The following FRMD7 variants were observed in gnomAD, a reference collection of about 807,000 sequenced individuals.
FRMD7 encodes FERM domain-containing protein 7.
Under a neutral mutation model 44.1 loss-of-function variants are expected in FRMD7, and 14 were observed. The ratio of observed to expected loss-of-function variants is 0.32; its 90% CI spans 0.21 to 0.50. The LOEUF is 0.50. FRMD7 is among the 20% of genes least tolerant of loss of function. The pLI, the probability that FRMD7 is intolerant of heterozygous loss-of-function variation, is 0.99. For missense variants in FRMD7, 501 were observed against 522.3 expected (o/e 0.96, Z 0.40); for synonymous variants, 212 against 187.4 (o/e 1.13, Z -1.07).
chrX:132,108,967 A>G lies in FRMD7; in HGVS notation c.58-8251T>C, dbSNP rs1602829139. On this transcript the variant is annotated intron_variant, in intron 1 of 11. Transcript: ENST00000298542. Reference sequence around the variant, plus strand: ...ATTAAAGCTCTTTAAACAAATGTAAATTGCCCAGCCTCGGGTATTTCTTCA... The same window carrying G: ...ATTAAAGCTCTTTAAACAAATGTAAGTTGCCCAGCCTCGGGTATTTCTTCA... Among the ~76,000 whole-genome samples the G allele has an allele frequency of 2.7e-5, 3 of 111,609 alleles. No individual in the cohort carries two copies. The South Asian group carries it at 1.1e-3, about 42-fold the overall frequency.
intron 1 of FRMD7, among the ~76,000 whole-genome samples, chrX:132,112,033 G>A (rs898784693): frequency 1.8e-5 from 2 of 112,154 alleles, no homozygotes; most frequent in Non-Finnish European, 3.8e-5. Flanking sequence ...CGGTAAAAAT[G>A]CAAATGTTCT....
intron 1 of FRMD7, among the ~76,000 whole-genome samples, chrX:132,125,387 T>G (rs183670882): frequency 3.4e-4 from 38 of 111,890 alleles, no homozygotes; most frequent in Middle Eastern, 9.2e-3. Context: ...ATGCAACCAA[T>G]TATTTTCTTG....
Position 132,100,663 on chromosome X carries a change from A to C in FRMD7, c.111T>G (p.Leu37=). 8.3e-7 allele frequency: 1 copy of C among 1,209,162 alleles called. No individual in the cohort carries two copies. The highest frequency in any genetic ancestry group is 1.1e-6 in the Non-Finnish European group (1 of 893,006). ...LFNLSCSHLN[L]AEKEYFGLEF... ...CTAATCCAAAATATTCCTTTTCAGC[A>C]AGATTTAGATGGCTGCAACTCAGGT... The change falls in exon 2 of 12, where the codon CTT becomes CTG. Residue 37 remains leucine (L), a synonymous_variant. Coordinates refer to ENST00000298542, the MANE Select transcript of FRMD7 (RefSeq NM_194277.3).
intron 1 of FRMD7, among the ~76,000 whole-genome samples, chrX:132,104,515 A>G (rs1236782729): frequency 2.7e-5 from 3 of 110,948 alleles, no homozygotes; most frequent in Admixed American, 1.9e-4. Flanking sequence ...ACACAGTGAA[A>G]CCCCATCTCT....
intron 1 of FRMD7, among the ~76,000 whole-genome samples, chrX:132,122,526 C>T (rs1025937167): frequency 8.9e-6 from 1 of 112,377 alleles, no homozygotes; most frequent in African/African-American, 3.2e-5. Flanking sequence ...CATTTAGATC[C>T]TTTCTCACAT....
chrX:132,079,949 T>C, intron 11 of FRMD7, 57 bp downstream of exon 11: 2 of 819,837 alleles, frequency 2.4e-6, no homozygotes, highest in Non-Finnish European at 3.7e-6. Flanking sequence ...ATGGAAGCAT[T>C]TGAAATTTGC....
intron 1 of FRMD7, 38 bp from the exon 2 acceptor site, chrX:132,100,754 C>T (rs780229818): frequency 5.2e-6 from 5 of 958,177 alleles, no homozygotes; most frequent in Non-Finnish European, 6.0e-6. Flanking sequence ...AATTTGCATT[C>T]CTAACCTGAT....
chrX:132,082,979 G>A (rs1927867271), intron 8 of FRMD7, among the ~76,000 whole-genome samples: 4 of 111,958 alleles, frequency 3.6e-5, no homozygotes. Context: ...GAGACAAGGT[G>A]TCACTCTGTT....
intron 1 of FRMD7, among the ~76,000 whole-genome samples, chrX:132,103,254 T>G (rs966739570): frequency 8.9e-6 from 1 of 112,224 alleles, no homozygotes; most frequent in Non-Finnish European, 1.9e-5. Context: ...TGTTTCTCTT[T>G]CTTGTAATAC....
intron 5 of FRMD7, among the ~76,000 whole-genome samples, chrX:132,090,545 G>A (rs940578139): frequency 1.8e-5 from 2 of 111,318 alleles, no homozygotes; most frequent in Admixed American, 1.9e-4. Context: ...GTGGTTGCTT[G>A]GGGCTGAGCG....
chrX:132,112,075 C>G (rs929930339), intron 1 of FRMD7, among the ~76,000 whole-genome samples: 6 of 111,926 alleles, frequency 5.4e-5, no homozygotes, highest in African/African-American at 2.0e-4. Context: ...TATTTTACAC[C>G]TATACCAATA....
chrX:132,122,737 T>C (rs1929065326), intron 1 of FRMD7, among the ~76,000 whole-genome samples: 1 of 112,436 alleles, frequency 8.9e-6, no homozygotes, highest in Non-Finnish European at 1.9e-5. Flanking sequence ...GATGGTAACA[T>C]TCAGATTCTA....
Position 132,085,998 on chromosome X carries a change from T to C in FRMD7, c.419A>G (p.Lys140Arg). 1 of 1,199,762 alleles carries C rather than the reference T, an allele frequency of 8.3e-7. No individual in the cohort carries two copies. Among genetic ancestry groups the C allele is most frequent in the Non-Finnish European group, 1.1e-6 (1 of 884,490 alleles). ...LGDFHEETDR[K>R]HLAQTRYLPN... The stretch of plus-strand genomic sequence containing the variant: ...TAAGTACCGAGTTTGTGCCAGATGC[T>C]TCCTATCTGTTTCTTCATGAAAGTC... Residue 140 changes from lysine to arginine, a missense_variant, in exon 6 of 12, where the codon AAG becomes AGG. Lys to Arg is a conservative substitution (Grantham distance 26, BLOSUM62 2). Coordinates refer to ENST00000298542, the MANE Select transcript of FRMD7 (RefSeq NM_194277.3).
At chrX:132,099,333 T>G in intron 3 of FRMD7, 135 bp downstream of exon 3, 3 of 505,949 alleles carry the variant, frequency 5.9e-6, no homozygotes, top group Non-Finnish European at 1.0e-5. Flanking sequence ...ATTTACTGGA[T>G]GTATGAAGGG....
chrX:132,090,057 C>T (rs886314108), intron 5 of FRMD7, among the ~76,000 whole-genome samples: 1 of 111,887 alleles, frequency 8.9e-6, no homozygotes, highest in African/African-American at 3.2e-5. Flanking sequence ...GGAAGAAAAT[C>T]CAAATGTCCA....
At position 132,113,725 on chromosome X, in the gene FRMD7, G is replaced by A. The variant is rs142298881; in HGVS notation, c.58-13009C>T. On this transcript the variant is annotated intron_variant, in intron 1 of 11. Coordinates refer to ENST00000298542, the MANE Select transcript of FRMD7 (RefSeq NM_194277.3). ...GATACAAGCATGCAATGTGAAATAA[G>A]CACATCATGGACAATAGGGTATCCA... is the stretch of plus-strand genomic sequence containing the variant. 4.9e-3 allele frequency among the ~76,000 whole-genome samples: 546 copies of A among 111,178 alleles called. 5 individuals are homozygous for A. The highest frequency in any genetic ancestry group is 0.017 in the African/African-American group (527 of 30,545).
intron 1 of FRMD7, among the ~76,000 whole-genome samples, chrX:132,104,425 G>A (rs1418126465): frequency 9.0e-6 from 1 of 111,636 alleles, no homozygotes; most frequent in African/African-American, 3.3e-5. Flanking sequence ...GGGCGCTGTG[G>A]CTTATGCCTG....
intron 1 of FRMD7, among the ~76,000 whole-genome samples, chrX:132,108,325 T>A: frequency 9.0e-6 from 1 of 111,691 alleles, no homozygotes; most frequent in South Asian, 3.8e-4. Context: ...ATGGTTGGGA[T>A]AGTTGCACAA....
At chrX:132,105,290 A>G (rs1439422110) in intron 1 of FRMD7, among the ~76,000 whole-genome samples, 1 of 111,793 alleles carries the variant, frequency 8.9e-6, no homozygotes. Flanking sequence ...TTAAAATAAA[A>G]AATTTGAGAT....
Sources: gnomAD v4.1 joint callset for allele counts (sites outside exome capture counted in the v4.1 genomes callset) on GRCh38, gnomAD v4.1.1 for gene constraint, MANE v1.5 for transcripts, NCBI Gene and HGNC (gene_info 2026-07-23, HGNC 2026-07-21) for gene names.